Variants in RYR1 observed in about 807,000 individuals in gnomAD.
RYR1 encodes ryanodine receptor 1.
Under a neutral mutation model 583.5 loss-of-function variants are expected in RYR1, and 342 were observed. The observed-to-expected ratio is 0.59, with a 90% CI of 0.54 to 0.64. The LOEUF is 0.64. Ranked by LOEUF, RYR1 falls within the 30% of genes least tolerant of loss-of-function variation. The pLI, the probability that RYR1 is intolerant of heterozygous loss-of-function variation, is 0.00. For synonymous variants in RYR1, 2,791 were observed against 2,822.5 expected (o/e 0.99, Z 0.35); for missense variants, 6,032 against 6,917.2 (o/e 0.87, Z 4.54).
chr19:38,570,393 A>G (rs1973660843), intron 93 of RYR1, among the ~76,000 whole-genome samples: 1 of 152,178 alleles, frequency 6.6e-6, no homozygotes, highest in Non-Finnish European at 1.5e-5. Flanking sequence ...CAGAGGTTGC[A>G]GTGAGCCAAG....
intron 25 of RYR1, 65 bp downstream of exon 25, chr19:38,467,877 G>T: frequency 6.6e-7 from 1 of 1,522,780 alleles, no homozygotes. Flanking sequence ...TGTCTACTCT[G>T]GCCCTGCCTC....
chr19:38,561,962 C>G lies in RYR1; in HGVS notation c.12624+508C>G, dbSNP rs1027010854. On this transcript the variant is annotated intron_variant, in intron 90 of 105. Coordinates refer to ENST00000359596, the MANE Select transcript of RYR1 (RefSeq NM_000540.3). The surrounding 1 kb of genome is among the most constrained non-coding windows in gnomAD (Gnocchi z 4.8). ...GGGTGCCCTGGCATGCTGACCCACCCTTCACCAGTCATCACGTTTGCCCCC... is the reference window on the plus strand; with the variant it reads ...GGGTGCCCTGGCATGCTGACCCACCGTTCACCAGTCATCACGTTTGCCCCC... 2.6e-5 allele frequency among the ~76,000 whole-genome samples: 4 copies of G among 152,136 alleles called. No individual in the cohort carries two copies. The highest frequency in any genetic ancestry group is 5.9e-5 in the Non-Finnish European group (4 of 68,022).
rs766308561 is a variant in RYR1, at chr19:38,453,040, G to T, written c.1440+26G>T. 5.0e-6 allele frequency: 8 copies of T among 1,610,668 alleles called. No homozygotes were observed. The African/African-American group carries it at 9.3e-5, about 19-fold the overall frequency. On this transcript the variant is annotated intron_variant, in intron 13 of 105. Coordinates refer to ENST00000359596, the MANE Select transcript of RYR1 (RefSeq NM_000540.3). ...GTGAGGACGTGGCGAGGGCGGAGCG[G>T]GGCCTGTGGGCCCAGGGGGCGGGAC...
rs1171145743 is a variant in RYR1, at chr19:38,516,092, G to A, written c.9560G>A (p.Arg3187Gln). ...AACACAGCCCCGTCTTCCAGGCTTCGGCCAGCCCTCGGGGAGTGCCTGGCC... is the reference window on the plus strand; with the variant it reads ...AACACAGCCCCGTCTTCCAGGCTTCAGCCAGCCCTCGGGGAGTGCCTGGCC... ...TTKNTYVEKL[R>Q]PALGECLARL... The change falls in exon 65 of 106, where the codon CGG (arginine) becomes CAG (glutamine). Residue 3187 changes from arginine to glutamine, a missense_variant. Physicochemically the swap from Arg to Gln is conservative, Grantham distance 43. Around this residue, in one of 11 missense-constraint regions of RYR1, gnomAD observed 1,493 missense variants for 1,715.5 expected, o/e 0.87. Coordinates refer to ENST00000359596, the MANE Select transcript of RYR1 (RefSeq NM_000540.3). 1.2e-5 allele frequency: 19 copies of A among 1,548,460 alleles called. No individual in the cohort carries two copies. The East Asian group carries it at 1.5e-4, about 12-fold the overall frequency.
chr19:38,499,306 G>T lies in RYR1; in HGVS notation c.7027+63G>T. 6.2e-7 allele frequency: 1 copy of T among 1,611,684 alleles called. No individual in the cohort carries two copies. ...GAGTCACTGGTCACACACCTCCCTC[G>T]AGATGACTGCTCGCACCCTGAGCCA... On this transcript the variant is annotated intron_variant, in intron 43 of 105. Transcript: ENST00000359596. The surrounding 1 kb of genome is among the most constrained non-coding windows in gnomAD (Gnocchi z 7.3).
Position 38,466,329 on chromosome 19 carries a change from A to G in RYR1, c.3109A>G (p.Ser1037Gly), listed in dbSNP as rs1450794920. ...AGCCACCAAGCGCAGCAACCGGGAC[A>G]GCCTCTGCCAGGCCGTGCGCACCCT... ...DEATKRSNRD[S>G]LCQAVRTLLG... Residue 1037 changes from serine to glycine, a missense_variant, in exon 24 of 106, where the codon AGC (serine) becomes GGC (glycine). Physicochemically the swap from Ser to Gly is moderately conservative, Grantham distance 56 (BLOSUM62 0). This residue lies in a region of RYR1 where 2,627 missense variants were observed against 2,961.3 expected (regional missense o/e 0.89). Coordinates refer to ENST00000359596, the MANE Select transcript of RYR1 (RefSeq NM_000540.3). 3 of 1,604,064 alleles carry G rather than the reference A, an allele frequency of 1.9e-6. No homozygotes were observed. The highest frequency in any genetic ancestry group is 2.5e-6 in the Non-Finnish European group (3 of 1,176,518).
At chr19:38,527,111 T>C (rs2145717992) in intron 72 of RYR1, 59 bp downstream of exon 72, 24 of 1,577,754 alleles carry the variant, frequency 1.5e-5, no homozygotes, top group Non-Finnish European at 2.1e-5. Context: ...ACAATATTAG[T>C]GAAGGTTTGA....
chr19:38,473,637 C>T lies in RYR1; in HGVS notation c.4026C>T (p.Ser1342=), dbSNP rs182004703. 1.3e-6 allele frequency: 2 copies of T among 1,560,412 alleles called. No individual in the cohort carries two copies. Among genetic ancestry groups the T allele is most frequent in the Non-Finnish European group, 1.7e-6 (2 of 1,152,406 alleles). Residue 1342 remains serine, a synonymous_variant, in exon 28 of 106, where the codon AGC becomes AGT. Transcript: ENST00000359596. The part of the protein sequence containing the change: ...ENLRRSAGGW[S]EAENGKEGTA... ...TGCGCCGCTCAGCTGGGGGCTGGAG[C>T]GAGGCAGAGAACGGCAAAGAAGGGA... is the stretch of plus-strand genomic sequence containing the variant.
chr19:38,533,233 G>A (rs1971821314), intron 78 of RYR1, among the ~76,000 whole-genome samples: 1 of 152,270 alleles, frequency 6.6e-6, no homozygotes, highest in Non-Finnish European at 1.5e-5. Flanking sequence ...TATATGCCAA[G>A]GCCAGGCAGC....
chr19:38,462,054 C>A (rs1967781120), intron 20 of RYR1, among the ~76,000 whole-genome samples: 1 of 152,106 alleles, frequency 6.6e-6, no homozygotes, highest in Non-Finnish European at 1.5e-5. Context: ...GACTCCATCT[C>A]AAAAGAAGAA....
At position 38,528,969 on chromosome 19, in the gene RYR1, G is replaced by A. The variant is rs745315302; in HGVS notation, c.11053G>A (p.Glu3685Lys). 1.2e-6 allele frequency: 2 copies of A among 1,610,798 alleles called. No homozygotes were observed. The highest frequency in any genetic ancestry group is 1.3e-5 in the African/African-American group (1 of 75,016). Reference protein sequence around the residue: ...DDLSKAGEQEEEEEEVEEKKP... With the variant: ...DDLSKAGEQEKEEEEVEEKKP... ...CCACCAGAAAGCTGGGGAGCAGGAG[G>A]AGGAGGAGGAAGAGGTGGAAGAGAA... is the stretch of plus-strand genomic sequence containing the variant. The change falls in exon 76 of 106, where the codon GAG becomes AAG. Residue 3685 changes from glutamate (E) to lysine (K), a missense_variant. By Grantham distance (56) the Glu-to-Lys change is moderately conservative (BLOSUM62 1). Transcript: ENST00000359596.
intron 19 of RYR1, 136 bp from the exon 20 acceptor site, chr19:38,460,239 C>T (rs979573183): frequency 5.1e-6 from 4 of 785,724 alleles, no homozygotes; most frequent in Non-Finnish European, 9.1e-6. Flanking sequence ...ACCTCCAGGA[C>T]ACTATGACTG....
chr19:38,495,823 C>T (rs573293222), intron 39 of RYR1, among the ~76,000 whole-genome samples: 24 of 152,046 alleles, frequency 1.6e-4, no homozygotes, highest in South Asian at 8.3e-4. Flanking sequence ...GCCTGGAGTG[C>T]GCAATGTCTG....
At chr19:38,472,441 C>T (rs1329242398) in intron 27 of RYR1, among the ~76,000 whole-genome samples, 2 of 152,070 alleles carry the variant, frequency 1.3e-5, no homozygotes, top group African/African-American at 4.8e-5. Context: ...TTCAGTTGCT[C>T]ATCAGTTACA....
chr19:38,455,300 T>C lies in RYR1; in HGVS notation c.1506T>C (p.Phe502=), dbSNP rs1967309351. 2 of 1,614,096 alleles carry C rather than the reference T, an allele frequency of 1.2e-6. No homozygotes were observed. ...RLNVYTTAAH[F]AEFAGEEAAE... ...ATGTCTACACCACTGCTGCCCACTT[T>C]GCTGAGTTTGCAGGGGAGGAGGCAG... The change falls in exon 14 of 106, where the codon TTT becomes TTC. Residue 502 remains phenylalanine, a synonymous_variant. Transcript: ENST00000359596.
rs930685140 is a variant in RYR1 at position 38,475,300 on chromosome 19, C to A, written c.4161-18C>A. On this transcript the variant is annotated intron_variant, in intron 28 of 105. Transcript: ENST00000359596. ...GCTTGAAAGCTGGCTCTCATGGCGCCTCTCCTCCCACTACCAGCTTCTTAT... is the reference window on the plus strand; with the variant it reads ...GCTTGAAAGCTGGCTCTCATGGCGCATCTCCTCCCACTACCAGCTTCTTAT... 2 of 1,563,212 alleles carry A rather than the reference C, an allele frequency of 1.3e-6. No individual in the cohort carries two copies. Among genetic ancestry groups the A allele is most frequent in the African/African-American group, 2.7e-5 (2 of 73,484 alleles).
intron 1 of RYR1, among the ~76,000 whole-genome samples, chr19:38,436,001 T>G (rs1294389774): frequency 6.6e-6 from 1 of 151,272 alleles, no homozygotes; most frequent in Non-Finnish European, 1.5e-5. Context: ...CTCTGCCTCC[T>G]GGGTTCAAGC....
In RYR1 at chr19:38,457,491, C is replaced by T. The variant is rs1331287633; in HGVS notation, c.1792-6C>T. 1 of 1,614,066 alleles carries T rather than the reference C, an allele frequency of 6.2e-7. No individual in the cohort carries two copies. ...ACACCCTTTAACCTCTGACCTTGAC[C>T]TCTAGGTCCTGGACGTGCTATGCTC... On this transcript the variant is annotated splice_region_variant and splice_polypyrimidine_tract_variant and intron_variant, in intron 16 of 105. Coordinates refer to ENST00000359596, the MANE Select transcript of RYR1 (RefSeq NM_000540.3).
At position 38,446,472 on chromosome 19, in the gene RYR1, G is replaced by T. The variant is rs1443646892; in HGVS notation, c.632G>T (p.Gly211Val). ...ACCAACTTCCCTTGCTCCTCTCCAG[G>T]CTTCGTGACGGGAGGTCACGTCCTC... ...MNPICSRCEE[G>V]FVTGGHVLRL... The change falls in exon 8 of 106, where the codon GGC becomes GTC. Residue 211 changes from glycine (G) to valine (V), a missense_variant and splice_region_variant. Coordinates refer to ENST00000359596, the MANE Select transcript of RYR1 (RefSeq NM_000540.3). 6.2e-7 allele frequency: 1 copy of T among 1,613,422 alleles called. No individual in the cohort carries two copies. Among genetic ancestry groups the T allele is most frequent in the African/African-American group, 1.3e-5 (1 of 75,034 alleles).
Sources: gnomAD v4.1 joint callset for allele counts (sites outside exome capture counted in the v4.1 genomes callset) on GRCh38, gnomAD v4.1.1 for gene constraint, gnomAD v4.1.1 regional missense constraint, Gnocchi (gnomAD v3.1) non-coding constraint, MANE v1.5 for transcripts, NCBI Gene and HGNC (gene_info 2026-07-23, HGNC 2026-07-21) for gene names.